The following FHOD3 variants were observed in gnomAD, a reference collection of about 807,000 sequenced individuals.
The protein encoded by FHOD3 is FH1/FH2 domain-containing protein 3.
A neutral mutation model predicts 173.0 loss-of-function variants in FHOD3; 90 were observed. The observed-to-expected ratio is 0.52, with a 90% CI of 0.44 to 0.62. The LOEUF (loss-of-function observed/expected upper bound fraction) is 0.62. Among genes scored for constraint, FHOD3 ranks in the 20% least tolerant of loss-of-function variants. FHOD3 has a pLI of 0.00. For missense variants in FHOD3, 1,945 were observed against 2,034.7 expected, an observed-to-expected ratio of 0.96 and a Z score of 0.85; for synonymous variants, 828 against 823.0, an observed-to-expected ratio of 1.01 and a Z score of -0.10.
chr18:36,772,459 A>G (rs936580342), intron 28 of FHOD3, among the ~76,000 whole-genome samples: 1 of 152,252 alleles, frequency 6.6e-6, no homozygotes, highest in Admixed American at 6.5e-5. Flanking sequence ...TGAATAACCA[A>G]CATATTTGGG....
chr18:36,299,551 C>T (rs2091901560), intron 1 of FHOD3, among the ~76,000 whole-genome samples: 2 of 152,142 alleles, frequency 1.3e-5, no homozygotes, highest in African/African-American at 4.8e-5. Context: ...GGATTTCAAA[C>T]CTTATATACA....
chr18:36,416,076 A>G (rs1471189826), intron 3 of FHOD3, among the ~76,000 whole-genome samples: 1 of 152,186 alleles, frequency 6.6e-6, no homozygotes, highest in Non-Finnish European at 1.5e-5. Context: ...CTCTGTTGCT[A>G]GGCTGGAGTG....
chr18:36,711,108 G>A (rs1006583211), intron 18 of FHOD3: 13 of 152,132 alleles, frequency 8.5e-5, no homozygotes, highest in Admixed American at 3.3e-4. Flanking sequence ...CAGAAATTAG[G>A]GCTTTGCAAT....
chr18:36,394,354 A>G (rs112415469), intron 3 of FHOD3, among the ~76,000 whole-genome samples: 1 of 152,296 alleles, frequency 6.6e-6, no homozygotes, highest in East Asian at 1.9e-4. Flanking sequence ...AATCATTGAC[A>G]TGAGATTTTG....
intron 3 of FHOD3, among the ~76,000 whole-genome samples, chr18:36,496,710 A>G (rs1395891849): frequency 6.6e-6 from 1 of 152,204 alleles, no homozygotes; most frequent in Non-Finnish European, 1.5e-5. Context: ...TGACGCTAGT[A>G]TTGCTCTCGT....
intron 3 of FHOD3, among the ~76,000 whole-genome samples, chr18:36,468,107 C>A (rs1012776492): frequency 1.2e-4 from 18 of 152,002 alleles, no homozygotes; most frequent in African/African-American, 4.4e-4. Flanking sequence ...TTCTGGGAGC[C>A]GAGAGGGGAA....
intron 3 of FHOD3, among the ~76,000 whole-genome samples, chr18:36,474,293 T>C (rs2053441060): frequency 6.6e-6 from 1 of 152,200 alleles, no homozygotes; most frequent in Non-Finnish European, 1.5e-5. Flanking sequence ...CTCTTCTTTT[T>C]GTCCCATAAG....
At chr18:36,623,583 C>G (rs2033872696) in intron 9 of FHOD3, among the ~76,000 whole-genome samples, 1 of 152,116 alleles carries the variant, frequency 6.6e-6, no homozygotes, top group Admixed American at 6.5e-5. Flanking sequence ...AAGGATACTC[C>G]TAGGAAATAG....
At chr18:36,390,567 T>G (rs2048254793) in intron 3 of FHOD3, among the ~76,000 whole-genome samples, 1 of 152,152 alleles carries the variant, frequency 6.6e-6, no homozygotes, top group Non-Finnish European at 1.5e-5. Flanking sequence ...TGTACCTGGA[T>G]TTTTTTCAGA....
intron 12 of FHOD3, 24 bp downstream of exon 12, chr18:36,652,953 T>A: frequency 6.6e-7 from 1 of 1,514,200 alleles, no homozygotes; most frequent in East Asian, 2.5e-5. Context: ...CCTGGAGGCT[T>A]GTTTGAGATT....
intron 3 of FHOD3, among the ~76,000 whole-genome samples, chr18:36,490,593 T>A (rs2054417206): frequency 6.6e-6 from 1 of 152,182 alleles, no homozygotes; most frequent in South Asian, 2.1e-4. Context: ...TGAAGGCCAT[T>A]TGCCTCCTGC....
At chr18:36,695,802 ATTC>A (rs755404253) in intron 17 of FHOD3, among the ~76,000 whole-genome samples, 14 of 152,346 alleles carry the variant, frequency 9.2e-5, no homozygotes, top group Non-Finnish European at 1.6e-4. Context: ...AGCCTACTTT[ATTC>A]TTTGAAGCAT....
rs192942818 is a variant in FHOD3 at position 36,760,714 on chromosome 18, C to G, written c.4556C>G (p.Thr1519Ser). The G allele has an allele frequency of 6.2e-7, 1 of 1,613,230 alleles. No homozygotes were observed. The highest frequency in any genetic ancestry group is 8.5e-7 in the Non-Finnish European group (1 of 1,180,000). ...EHENMKAVLKTSSPSVEDATP... is the reference protein window; with the variant it reads ...EHENMKAVLKSSSPSVEDATP... ...GAGAACATGAAGGCTGTGCTGAAAA[C>G]CTCGTCCCCCTCCGTGGAGGACGCC... Residue 1519 changes from threonine to serine, a missense_variant, in exon 27 of 29, where the codon ACC (threonine) becomes AGC (serine). By Grantham distance (58) the Thr-to-Ser change is moderately conservative. Around this residue, in one of 5 missense-constraint regions of FHOD3, gnomAD observed 354 missense variants for 359.9 expected, o/e 0.98. Coordinates refer to ENST00000590592, the MANE Select transcript of FHOD3 (RefSeq NM_001281740.3).
In FHOD3 at chr18:36,564,853, A is replaced by G. The variant is rs142396797; in HGVS notation, c.512-11598A>G. ...ACCTTTTTTAGAAAATGGTCATTCT[A>G]AGGTAGAGAGAGGGTAGTAATTTAA... is the stretch of plus-strand genomic sequence containing the variant. On this transcript the variant is annotated intron_variant, in intron 5 of 28. Coordinates refer to ENST00000590592, the MANE Select transcript of FHOD3 (RefSeq NM_001281740.3). 1.9e-3 allele frequency among the ~76,000 whole-genome samples: 285 copies of G among 152,234 alleles called. 5 individuals are homozygous for G. The East Asian group carries it at 0.034, about 18-fold the overall frequency.
intron 8 of FHOD3, among the ~76,000 whole-genome samples, chr18:36,610,684 A>C (rs2032582665): frequency 6.6e-6 from 1 of 152,250 alleles, no homozygotes; most frequent in Non-Finnish European, 1.5e-5. Context: ...TCTTTCCAAC[A>C]CTGATAGCCC....
intron 3 of FHOD3, among the ~76,000 whole-genome samples, chr18:36,394,225 C>G (rs1273015993): frequency 6.6e-6 from 1 of 152,114 alleles, no homozygotes; most frequent in Non-Finnish European, 1.5e-5. Flanking sequence ...TATGGTCAAA[C>G]AAGATAATAT....
intron 3 of FHOD3, among the ~76,000 whole-genome samples, chr18:36,491,645 G>C (rs1284331403): frequency 6.6e-6 from 1 of 150,440 alleles, no homozygotes; most frequent in African/African-American, 2.5e-5. Flanking sequence ...CTTACAGAAT[G>C]TCATGGAGTT....
intron 3 of FHOD3, among the ~76,000 whole-genome samples, chr18:36,380,982 T>C (rs574201737): frequency 1.6e-3 from 246 of 152,246 alleles, no homozygotes; most frequent in African/African-American, 5.8e-3. Context: ...TGGGATGCCA[T>C]GGGACTAGGG....
intron 8 of FHOD3, among the ~76,000 whole-genome samples, chr18:36,603,189 G>C (rs1197471694): frequency 6.6e-6 from 1 of 152,160 alleles, no homozygotes; most frequent in Non-Finnish European, 1.5e-5. Flanking sequence ...CACCTAGTTT[G>C]TGGTACTTTC....
Sources: allele counts gnomAD v4.1 joint callset (sites outside exome capture counted in the v4.1 genomes callset), GRCh38; gene constraint gnomAD v4.1.1; regional missense constraint gnomAD v4.1.1; transcripts MANE v1.5; gene names NCBI Gene and HGNC (gene_info 2026-07-23, HGNC 2026-07-21).